Variants in BRWD1 observed in about 807,000 individuals in gnomAD.
BRWD1 encodes the protein bromodomain and WD repeat domain containing 1.
BRWD1 carries 82 observed loss-of-function variants against 251.2 expected under a neutral mutation model. The ratio of observed to expected loss-of-function variants is 0.33; its 90% confidence interval spans 0.27 to 0.39. BRWD1 has a LOEUF of 0.39. BRWD1 is among the 10% of genes least tolerant of loss of function. The pLI is 1.00. For synonymous variants in BRWD1, 918 were observed against 902.8 expected (o/e 1.02, Z -0.30); for missense variants, 2,233 against 2,711.6 (o/e 0.82, Z 3.92).
At chr21:39,320,074 G>T (rs2036733131) in intron 1 of BRWD1, among the ~76,000 whole-genome samples, 1 of 152,124 alleles carries the variant, frequency 6.6e-6, no homozygotes, top group Non-Finnish European at 1.5e-5. Flanking sequence ...CCACACCCAG[G>T]AAAGATGACT....
At chr21:39,274,327 C>A (rs201159245) in intron 13 of BRWD1, 47 bp downstream of exon 13, 176 of 1,328,588 alleles carry the variant, frequency 1.3e-4, no homozygotes, top group Non-Finnish European at 1.7e-4. Context: ...GAGAGAGAGA[C>A]AGATCGAACA....
chr21:39,189,749 T>C lies in BRWD1; in HGVS notation c.*6510A>G, dbSNP rs2031447406. 1.0e-6 allele frequency: 1 copy of C among 983,508 alleles called. No individual in the cohort carries two copies. The highest frequency in any genetic ancestry group is 1.7e-5 in the African/African-American group (1 of 57,298). 60.9% of individuals were successfully genotyped at this position (983,508 alleles called of 1,614,324 possible). ...AAACTGAGTAAATTATAAAGTGCTTTTTCTCAAGAAAACTACAAACAGTTT... is the reference window on the plus strand; with the variant it reads ...AAACTGAGTAAATTATAAAGTGCTTCTTCTCAAGAAAACTACAAACAGTTT... On this transcript the variant is annotated 3_prime_UTR_variant, in exon 41 of 41. Coordinates refer to ENST00000342449, the MANE Select transcript of BRWD1 (RefSeq NM_033656.4).
intron 23 of BRWD1, among the ~76,000 whole-genome samples, chr21:39,235,057 T>C (rs990050591): frequency 3.9e-5 from 6 of 152,124 alleles, no homozygotes; most frequent in Non-Finnish European, 7.4e-5. Context: ...GAGACCAGCC[T>C]GGCCAACATG....
intron 21 of BRWD1, among the ~76,000 whole-genome samples, chr21:39,246,782 A>G (rs774692353): frequency 4.6e-5 from 7 of 152,200 alleles, no homozygotes; most frequent in Non-Finnish European, 7.3e-5. Flanking sequence ...TCACAAAATC[A>G]TATTTTAAGA....
chr21:39,191,777 T>A lies in BRWD1; in HGVS notation c.*4482A>T. On this transcript the variant is annotated 3_prime_UTR_variant, in exon 41 of 41. Transcript: ENST00000342449. ...GGCTCTATATACTGGTCATCTCATTTCAGTTAGGTCAATTGGACTGCCTCT... is the reference window on the plus strand; with the variant it reads ...GGCTCTATATACTGGTCATCTCATTACAGTTAGGTCAATTGGACTGCCTCT... 1.0e-6 allele frequency: 1 copy of A among 985,222 alleles called. No homozygotes were observed. Among genetic ancestry groups the A allele is most frequent in the Non-Finnish European group, 1.2e-6 (1 of 829,762 alleles). The allele number at this position is 985,222 out of a possible 1,614,324, so 61.0% of individuals were successfully genotyped here.
At chr21:39,284,212 C>T (rs2035559946) in intron 8 of BRWD1, among the ~76,000 whole-genome samples, 1 of 152,128 alleles carries the variant, frequency 6.6e-6, no homozygotes, top group Admixed American at 6.5e-5. Context: ...GGTAGGGTGG[C>T]TCATGCTTAT....
chr21:39,260,620 A>G (rs1457166880), intron 17 of BRWD1, among the ~76,000 whole-genome samples: 2 of 152,236 alleles, frequency 1.3e-5, no homozygotes, highest in Non-Finnish European at 2.9e-5. Context: ...TGGAAAAAAT[A>G]TATGTAAAAC....
chr21:39,236,883 G>T (rs2033830384), intron 22 of BRWD1, 99 bp from the exon 23 acceptor site: 3 of 1,076,102 alleles, frequency 2.8e-6, no homozygotes, highest in African/African-American at 3.2e-5. Context: ...AGGAGAAAAA[G>T]GGAAGGGAAG....
At chr21:39,305,125 A>G (rs899326327) in intron 4 of BRWD1, among the ~76,000 whole-genome samples, 1 of 152,122 alleles carries the variant, frequency 6.6e-6, no homozygotes, top group East Asian at 1.9e-4. Context: ...ATGCCTGGCT[A>G]ATTTTTCTAT....
rs1455407641 is a variant in BRWD1 at position 39,295,208 on chromosome 21, A to C, written c.609+535T>G. Among the ~76,000 whole-genome samples, 36 of 97,072 alleles carry C rather than the reference A, an allele frequency of 3.7e-4. 1 individual carries two copies. The highest frequency in any genetic ancestry group is 1.4e-3 in the African/African-American group (36 of 25,736). The allele number at this position is 97,072 out of a possible 152,430, so 63.7% of individuals were successfully genotyped here. Reference sequence around the variant, plus strand: ...TTTTTTTTTTTTTTTTTTTTTTGAGACGGAATCTCGCTCTGTCGCCCAGGC... The same window carrying C: ...TTTTTTTTTTTTTTTTTTTTTTGAGCCGGAATCTCGCTCTGTCGCCCAGGC... On this transcript the variant is annotated intron_variant, in intron 7 of 40. Transcript: ENST00000342449.
At chr21:39,276,008 G>A (rs1247479850) in intron 12 of BRWD1, among the ~76,000 whole-genome samples, 165 bp downstream of exon 12, 2 of 151,822 alleles carry the variant, frequency 1.3e-5, no homozygotes, top group Non-Finnish European at 2.9e-5. Flanking sequence ...CTCCAGCCTG[G>A]GCAACGAGAG....
chr21:39,197,899 T>C (rs552885123), intron 40 of BRWD1, among the ~76,000 whole-genome samples: 2 of 152,346 alleles, frequency 1.3e-5, no homozygotes, highest in East Asian at 3.9e-4. Flanking sequence ...ACCACTGTTA[T>C]GCAGCACATG....
chr21:39,234,420 C>T (rs1164728116), intron 23 of BRWD1, among the ~76,000 whole-genome samples: 4 of 152,132 alleles, frequency 2.6e-5, no homozygotes. Flanking sequence ...ATTAAAGCAA[C>T]ATTTGAGACA....
At chr21:39,249,387 GTA>G (rs776158037) in intron 20 of BRWD1, among the ~76,000 whole-genome samples, 2 of 152,154 alleles carry the variant, frequency 1.3e-5, no homozygotes, top group Non-Finnish European at 2.9e-5. Context: ...TTAACTGTAA[GTA>G]TGTGTATTTT....
Position 39,193,818 on chromosome 21 carries a change from C to G in BRWD1, c.*2441G>C. 1.0e-6 allele frequency: 1 copy of G among 985,418 alleles called. No individual in the cohort carries two copies. The highest frequency in any genetic ancestry group is 4.7e-5 in the South Asian group (1 of 21,268). 61.0% of individuals were successfully genotyped at this position (985,418 alleles called of 1,614,324 possible). ...AAAAAAGGCCAAACATGTTCTAGTG[C>G]TCAATGTAAACATTTTAACTATTAA... On this transcript the variant is annotated 3_prime_UTR_variant, in exon 41 of 41. Coordinates refer to ENST00000342449, the MANE Select transcript of BRWD1 (RefSeq NM_033656.4).
Position 39,262,491 on chromosome 21 carries a change from C to G in BRWD1, c.1885+1969G>C, listed in dbSNP as rs1479684829. ...CACCACTTTGGGAGGCCGAGGCAGG[C>G]GGATCATGAGGTCAAGAGATCGAGA... On this transcript the variant is annotated intron_variant, in intron 17 of 40. Transcript: ENST00000342449. Among the ~76,000 whole-genome samples, 3 of 152,234 alleles carry G rather than the reference C, an allele frequency of 2.0e-5. No homozygotes were observed. The East Asian group carries it at 5.8e-4, about 29-fold the overall frequency.
At chr21:39,313,691 C>T (rs1406849878), upstream of BRWD1, 4 of 394,164 alleles carry the variant, frequency 1.0e-5, no homozygotes, top group Non-Finnish European at 1.8e-5. Flanking sequence ...AAAGTAGTCC[C>T]TCCGCGGGGG....
rs1288635876 is a variant in BRWD1 at position 39,195,373 on chromosome 21, C to A, written c.*886G>T. 1 of 985,440 alleles carries A rather than the reference C, an allele frequency of 1.0e-6. No individual in the cohort carries two copies. The highest frequency in any genetic ancestry group is 1.2e-6 in the Non-Finnish European group (1 of 829,664). The allele number at this position is 985,440 out of a possible 1,614,324, so 61.0% of individuals were successfully genotyped here. On this transcript the variant is annotated 3_prime_UTR_variant, in exon 41 of 41. Transcript: ENST00000342449. ...GTACACTCTATTAAAGAACACACTT[C>A]TAAATCTAAGGCACACGAATTCCTC...
In BRWD1 at chr21:39,215,309, G is replaced by A. The variant is rs377284707; in HGVS notation, c.3713C>T (p.Thr1238Ile). The stretch of plus-strand genomic sequence containing the variant: ...AATTACACTCTCAGGTTCGTTAAAT[G>A]TTCTGGCATTATGTTCTATATATCT... ...EVRYIEHNAR[T>I]FNEPESVIAR... is the part of the protein sequence containing the mutation. The change falls in exon 32 of 41, where the codon ACA (threonine) becomes ATA (isoleucine). Residue 1238 changes from threonine to isoleucine, a missense_variant. Around this residue, in one of 12 missense-constraint regions of BRWD1, gnomAD observed 167 missense variants for 183.2 expected, o/e 0.91. Transcript: ENST00000342449. The A allele has an allele frequency of 4.3e-6, 7 of 1,613,200 alleles. No individual in the cohort carries two copies. The African/African-American group carries it at 5.3e-5, about 12-fold the overall frequency.
Sources: allele counts gnomAD v4.1 joint callset (sites outside exome capture counted in the v4.1 genomes callset), GRCh38; gene constraint gnomAD v4.1.1; regional missense constraint gnomAD v4.1.1; transcripts MANE v1.5; gene names NCBI Gene and HGNC (gene_info 2026-07-23, HGNC 2026-07-21).